Variants in PACSIN2 observed in about 807,000 individuals in gnomAD.
The protein encoded by PACSIN2 is protein kinase C and casein kinase substrate in neurons protein 2.
PACSIN2 carries 25 observed loss-of-function variants against 63.8 expected under a neutral mutation model. That is an observed-to-expected ratio of 0.39 (90% confidence interval 0.29 to 0.55). The LOEUF (loss-of-function observed/expected upper bound fraction) is 0.55, where lower values mean the gene tolerates loss of function less well. Among genes scored for constraint, PACSIN2 ranks in the 20% least tolerant of loss-of-function variants. The pLI, the probability that PACSIN2 is intolerant of heterozygous loss-of-function variation, is 0.62. For synonymous variants in PACSIN2, 255 were observed against 256.2 expected (o/e 1.00, Z 0.05); for missense variants, 518 against 646.9 (o/e 0.80, Z 2.16).
chr22:42,891,527 A>G (rs1160272305), intron 3 of PACSIN2, among the ~76,000 whole-genome samples: 2 of 152,034 alleles, frequency 1.3e-5, no homozygotes, highest in Non-Finnish European at 2.9e-5. Context: ...CAGCCTCCCG[A>G]GTAGCTGGGA....
At position 42,896,968 on chromosome 22, in the gene PACSIN2, G is replaced by T. The variant is rs185269617; in HGVS notation, c.61-3355C>A. ...TTTTTTCTTTTTGAGACAGGGTCTTGCTTTGTTGCCCAGGCTAGAGTGCAG... is the reference window on the plus strand; with the variant it reads ...TTTTTTCTTTTTGAGACAGGGTCTTTCTTTGTTGCCCAGGCTAGAGTGCAG... On this transcript the variant is annotated intron_variant, in intron 2 of 10. Coordinates refer to ENST00000263246, the MANE Select transcript of PACSIN2 (RefSeq NM_001184970.3). Among the ~76,000 whole-genome samples, 19 of 152,054 alleles carry T rather than the reference G, an allele frequency of 1.2e-4. No individual in the cohort carries two copies. The East Asian group carries it at 3.7e-3, about 29-fold the overall frequency.
intron 2 of PACSIN2, among the ~76,000 whole-genome samples, chr22:42,911,407 T>TAAAAA (rs75497964): frequency 9.0e-6 from 1 of 111,468 alleles, no homozygotes; most frequent in African/African-American, 3.4e-5. Flanking sequence ...CCTCAACTGT[T>TAAAAA]AAAAAAAAAA....
At chr22:42,965,621 C>A (rs1247615465) in intron 1 of PACSIN2, among the ~76,000 whole-genome samples, 1 of 152,164 alleles carries the variant, frequency 6.6e-6, no homozygotes, top group African/African-American at 2.4e-5. Flanking sequence ...TCATTTTAGC[C>A]CAAGTGTATT....
chr22:42,976,326 T>C (rs1430529226), intron 1 of PACSIN2, among the ~76,000 whole-genome samples: 1 of 152,234 alleles, frequency 6.6e-6, no homozygotes, highest in Non-Finnish European at 1.5e-5. Flanking sequence ...GGCCAGAAGC[T>C]ACACCCTGGT....
At chr22:42,989,756 G>A (rs144729827) in intron 1 of PACSIN2, among the ~76,000 whole-genome samples, 2,350 of 150,894 alleles carry the variant, frequency 0.016, 29 homozygotes, top group Non-Finnish European at 0.025. Context: ...AGCTGAGATC[G>A]CGCCACCGCA....
At chr22:42,951,734 C>G (rs964121736) in intron 1 of PACSIN2, among the ~76,000 whole-genome samples, 3 of 152,216 alleles carry the variant, frequency 2.0e-5, no homozygotes, top group Non-Finnish European at 4.4e-5. Flanking sequence ...GTTCAATCTA[C>G]TAAACTCAAA....
chr22:42,874,581 C>G (rs1417888117), intron 10 of PACSIN2, among the ~76,000 whole-genome samples: 1 of 152,224 alleles, frequency 6.6e-6, no homozygotes, highest in Non-Finnish European at 1.5e-5. Context: ...AAGTGCTACT[C>G]TGGGGTCTGG....
intron 2 of PACSIN2, among the ~76,000 whole-genome samples, chr22:42,911,051 C>T (rs1208068503): frequency 6.6e-6 from 1 of 151,954 alleles, no homozygotes; most frequent in Non-Finnish European, 1.5e-5. Context: ...GTTACAGGTG[C>T]CCACCACCAC....
At chr22:42,879,238 G>A in intron 7 of PACSIN2, 69 bp from the exon 8 acceptor site, 1 of 1,552,252 alleles carries the variant, frequency 6.4e-7, no homozygotes, top group East Asian at 2.3e-5. Flanking sequence ...TCTGTCCTCA[G>A]TTCCTGCCCA....
At chr22:42,993,737 G>A (rs1569361514) in intron 1 of PACSIN2, 3 of 152,222 alleles carry the variant, frequency 2.0e-5, no homozygotes, top group African/African-American at 4.8e-5. Flanking sequence ...AGAGCCGAAG[G>A]ACACTCTCCG....
chr22:42,892,131 G>A (rs891741701), intron 3 of PACSIN2, among the ~76,000 whole-genome samples: 1 of 152,118 alleles, frequency 6.6e-6, no homozygotes, highest in Non-Finnish European at 1.5e-5. Context: ...CTCAGTCCCC[G>A]AGGCTCAGGA....
chr22:42,898,063 G>C (rs1470395523), intron 2 of PACSIN2, among the ~76,000 whole-genome samples: 1 of 152,106 alleles, frequency 6.6e-6, no homozygotes, highest in Non-Finnish European at 1.5e-5. Context: ...GGGACATCCT[G>C]GAAGGAAGAA....
intron 1 of PACSIN2, among the ~76,000 whole-genome samples, chr22:42,921,098 G>A (rs1363302975): frequency 1.3e-5 from 2 of 151,948 alleles, no homozygotes; most frequent in East Asian, 1.9e-4. Context: ...AGTGGCTCAC[G>A]CCTGTAATCC....
chr22:42,933,618 A>T (rs1443181636), intron 1 of PACSIN2, among the ~76,000 whole-genome samples: 1 of 152,184 alleles, frequency 6.6e-6, no homozygotes, highest in Admixed American at 6.5e-5. Context: ...CGTGGCGCCT[A>T]AAGGGGAAGT....
At chr22:42,979,869 T>C (rs1052556711) in intron 1 of PACSIN2, among the ~76,000 whole-genome samples, 4 of 152,234 alleles carry the variant, frequency 2.6e-5, no homozygotes, top group African/African-American at 9.6e-5. Flanking sequence ...TGAAACACGT[T>C]TGTCTGCAAA....
chr22:42,905,975 C>T (rs941425464), intron 2 of PACSIN2, among the ~76,000 whole-genome samples: 1 of 152,254 alleles, frequency 6.6e-6, no homozygotes, highest in Non-Finnish European at 1.5e-5. Flanking sequence ...GTATGTAAGT[C>T]CCTCCCATGT....
intron 1 of PACSIN2, among the ~76,000 whole-genome samples, chr22:43,010,398 A>ATATATATATATTTTTT: frequency 5.5e-5 from 7 of 126,392 alleles, no homozygotes; most frequent in African/African-American, 8.5e-5. Flanking sequence ...ATATATATAT[A>ATATATATATATTTTTT]TTTTTTTTTA....
At position 42,912,097 on chromosome 22, in the gene PACSIN2, G is replaced by A; in HGVS notation, c.-17C>T. 1.9e-6 allele frequency: 3 copies of A among 1,585,650 alleles called. No individual in the cohort carries two copies. Among genetic ancestry groups the A allele is most frequent in the South Asian group, 2.3e-5 (2 of 86,358 alleles). On this transcript the variant is annotated 5_prime_UTR_variant, in exon 2 of 11. Coordinates refer to ENST00000263246, the MANE Select transcript of PACSIN2 (RefSeq NM_001184970.3). ...GACAGACATTTTTTCAAAGGCTGAG[G>A]GAGCAGCAAAGTATACTTAGTCAGG...
At chr22:42,892,993 C>T (rs913335231) in intron 3 of PACSIN2, among the ~76,000 whole-genome samples, 1 of 152,164 alleles carries the variant, frequency 6.6e-6, no homozygotes, top group African/African-American at 2.4e-5. Context: ...GGGGGTGAAA[C>T]CTCTGCCATA....
Sources: allele counts gnomAD v4.1 joint callset (sites outside exome capture counted in the v4.1 genomes callset), GRCh38; gene constraint gnomAD v4.1.1; transcripts MANE v1.5; gene names NCBI Gene and HGNC (gene_info 2026-07-23, HGNC 2026-07-21).